LRRCC1: variants seen among roughly 807,000 people sequenced by gnomAD.
The protein encoded by LRRCC1 is leucine rich repeat and coiled-coil centrosomal protein 1, also known as leucine-rich repeat and coiled-coil domain-containing protein 1.
LRRCC1 carries 115 observed loss-of-function variants against 126.0 expected under a neutral mutation model. The ratio of observed to expected loss-of-function variants is 0.91; its 90% CI spans 0.78 to 1.07. The LOEUF is 1.07. Ranked by LOEUF, LRRCC1 falls within the 50% of genes least tolerant of loss-of-function variation. LRRCC1 has a pLI of 0.00. For synonymous variants in LRRCC1, 400 were observed against 393.4 expected (o/e 1.02, Z -0.20); for missense variants, 1,172 against 1,175.7 (o/e 1.00, Z 0.05).
intron 6 of LRRCC1, among the ~76,000 whole-genome samples, chr8:85,117,645 G>A (rs1809226475): frequency 6.6e-6 from 1 of 151,942 alleles, no homozygotes; most frequent in Non-Finnish European, 1.5e-5. Context: ...AAGCTGTTTT[G>A]CCTTTATTTT....
chr8:85,124,650 A>C (rs368812411), intron 7 of LRRCC1, 142 bp from the exon 8 acceptor site: 2 of 453,992 alleles, frequency 4.4e-6, no homozygotes, highest in South Asian at 5.9e-5. Flanking sequence ...AAAATTTATG[A>C]AGCAGTTTGT....
intron 18 of LRRCC1, among the ~76,000 whole-genome samples, chr8:85,144,401 AAT>A (rs1491349029): frequency 3.4e-5 from 2 of 59,160 alleles, no homozygotes; most frequent in Admixed American, 2.8e-4. Context: ...ATAGAGTTAA[AAT>A]GTGTGTGTGT....
intron 6 of LRRCC1, among the ~76,000 whole-genome samples, chr8:85,121,108 C>T (rs1809519349): frequency 6.6e-6 from 1 of 152,152 alleles, no homozygotes; most frequent in Admixed American, 6.5e-5. Context: ...TCTTATATGT[C>T]ATTTTCATTG....
In LRRCC1 at chr8:85,138,045, A is replaced by G. The variant is rs1392301004; in HGVS notation, c.2504A>G (p.Glu835Gly). 6.5e-7 allele frequency: 1 copy of G among 1,547,472 alleles called. No homozygotes were observed. The highest frequency in any genetic ancestry group is 2.3e-5 in the East Asian group (1 of 44,154). Residue 835 changes from glutamate (E) to glycine (G), a missense_variant, in exon 16 of 19, where the codon GAA (glutamate) becomes GGA (glycine). Physicochemically the swap from Glu to Gly is moderately conservative, Grantham distance 98. Coordinates refer to ENST00000360375, the MANE Select transcript of LRRCC1 (RefSeq NM_033402.5). Reference sequence around the variant, plus strand: ...ATTTTTTTCTTAAAGTGTTTACAAGAAAAAGATGAACACATCAAAAGATTA... The same window carrying G: ...ATTTTTTTCTTAAAGTGTTTACAAGGAAAAGATGAACACATCAAAAGATTA... ...TIRKLKDCLQEKDEHIKRLQE... is the reference protein window; with the variant it reads ...TIRKLKDCLQGKDEHIKRLQE...
In LRRCC1 at chr8:85,129,217, A is replaced by G. The variant is rs1157088545; in HGVS notation, c.1464A>G (p.Gln488=). ...IIFRERNSKG[Q]LEVMVHKLQN... is the part of the protein sequence containing the mutation. ...TTAGAGAGAGAAATTCCAAAGGACA[A>G]CTCGAAGTTATGGTTCACAAACTTC... The change falls in exon 10 of 19, where the codon CAA becomes CAG. Residue 488 remains glutamine, a synonymous_variant. Transcript: ENST00000360375. 3.1e-6 allele frequency: 5 copies of G among 1,612,734 alleles called. No homozygotes were observed. The highest frequency in any genetic ancestry group is 4.2e-6 in the Non-Finnish European group (5 of 1,179,552).
Position 85,135,033 on chromosome 8 carries a change from G to A in LRRCC1, c.2154+1G>A. On this transcript the variant is annotated splice_donor_variant, in intron 13 of 18. Coordinates refer to ENST00000360375, the MANE Select transcript of LRRCC1 (RefSeq NM_033402.5). LOFTEE classifies it high-confidence loss of function. ...ACAAGAAACAGCAGCAAATTTACAG[G>A]TAAGACTTTGCAACATTATATGTTT... is the stretch of plus-strand genomic sequence containing the variant. 1.3e-6 allele frequency: 2 copies of A among 1,513,468 alleles called. No individual in the cohort carries two copies. Among genetic ancestry groups the A allele is most frequent in the East Asian group, 2.5e-5 (1 of 40,718 alleles). The allele number at this position is 1,513,468 out of a possible 1,614,324, so 93.8% of individuals were successfully genotyped here. A position where few individuals can be genotyped will look rare whatever the true frequency, so the allele number is the denominator to read the frequency against.
chr8:85,134,914 A>T lies in LRRCC1; in HGVS notation c.2036A>T (p.Gln679Leu). Residue 679 changes from glutamine to leucine, a missense_variant, in exon 13 of 19, where the codon CAA (glutamine) becomes CTA (leucine). Transcript: ENST00000360375. ...AGCAAACATGCTCTTATTTGGGCTCAACGAAAAGAAAATGAGTCTTCCTCT... is the reference window on the plus strand; with the variant it reads ...AGCAAACATGCTCTTATTTGGGCTCTACGAAAAGAAAATGAGTCTTCCTCT... ...AKSKHALIWA[Q>L]RKENESSSLI... The T allele has an allele frequency of 6.3e-7, 1 of 1,597,696 alleles. No homozygotes were observed. The highest frequency in any genetic ancestry group is 8.5e-7 in the Non-Finnish European group (1 of 1,176,756).
chr8:85,127,399 TTC>T (rs1810097319), intron 9 of LRRCC1, among the ~76,000 whole-genome samples: 1 of 152,226 alleles, frequency 6.6e-6, no homozygotes, highest in African/African-American at 2.4e-5. Context: ...ACTTTTTTTC[TTC>T]TGTTTCCTGT....
At chr8:85,117,182 T>C (rs1267936847) in intron 6 of LRRCC1, among the ~76,000 whole-genome samples, 3 of 152,200 alleles carry the variant, frequency 2.0e-5, no homozygotes, top group Non-Finnish European at 4.4e-5. Flanking sequence ...ATTGTCCTTG[T>C]TATTGAAAAG....
At chr8:85,137,767 T>A in intron 15 of LRRCC1, 140 bp downstream of exon 15, 1 of 598,284 alleles carries the variant, frequency 1.7e-6, no homozygotes, top group Non-Finnish European at 2.7e-6. Context: ...CTTTTTATAA[T>A]ATTTGCCCTT....
At chr8:85,108,886 A>G (rs1438665143) in intron 1 of LRRCC1, 1 of 152,204 alleles carries the variant, frequency 6.6e-6, no homozygotes, top group African/African-American at 2.4e-5. Context: ...TCAGTTATAA[A>G]TAGTAATTGG....
chr8:85,114,329 C>T (rs1808944812), intron 4 of LRRCC1, among the ~76,000 whole-genome samples: 1 of 151,924 alleles, frequency 6.6e-6, no homozygotes, highest in South Asian at 2.1e-4. Context: ...TCTCTCAATA[C>T]AGTCACCCTC....
Position 85,112,929 on chromosome 8 carries a change from C to A in LRRCC1, c.377-3C>A. ...CATTTAAAGAATTATGTTCCTATTG[C>A]AGGATTGATTCCCCTTCATGGAATT... On this transcript the variant is annotated splice_polypyrimidine_tract_variant and splice_region_variant and intron_variant, in intron 3 of 18. Transcript: ENST00000360375. 8 of 1,551,836 alleles carry A rather than the reference C, an allele frequency of 5.2e-6. No homozygotes were observed. The South Asian group carries it at 8.6e-5, about 17-fold the overall frequency.
chr8:85,131,855 T>A lies in LRRCC1; in HGVS notation c.1862T>A (p.Met621Lys). ...IAKEEKKHEQ[M>K]IKEYQEKIDV... ...AAAGAAGAGAAAAAGCATGAGCAAA[T>A]GATAAAAGAATACCAAGAGAAAATT... is the stretch of plus-strand genomic sequence containing the variant. Residue 621 changes from methionine (M) to lysine (K), a missense_variant, in exon 12 of 19, where the codon ATG (methionine) becomes AAG (lysine). Coordinates refer to ENST00000360375, the MANE Select transcript of LRRCC1 (RefSeq NM_033402.5). 3 of 1,613,646 alleles carry A rather than the reference T, an allele frequency of 1.9e-6. No individual in the cohort carries two copies. The highest frequency in any genetic ancestry group is 2.5e-6 in the Non-Finnish European group (3 of 1,179,804).
rs757501975 is a variant in LRRCC1 at position 85,134,891 on chromosome 8, C to A, written c.2013C>A (p.Ser671Arg). 1 of 1,589,974 alleles carries A rather than the reference C, an allele frequency of 6.3e-7. No homozygotes were observed. The highest frequency in any genetic ancestry group is 1.2e-5 in the South Asian group (1 of 85,490). Residue 671 changes from serine to arginine, a missense_variant, in exon 13 of 19, where the codon AGC becomes AGA. Coordinates refer to ENST00000360375, the MANE Select transcript of LRRCC1 (RefSeq NM_033402.5). ...FENVATELAK[S>R]KHALIWAQRK... ...ATGTTGCAACTGAGTTAGCAAAGAG[C>A]AAACATGCTCTTATTTGGGCTCAAC...
At chr8:85,125,412 G>A (rs1312341996) in intron 8 of LRRCC1, among the ~76,000 whole-genome samples, 2 of 151,846 alleles carry the variant, frequency 1.3e-5, no homozygotes, top group African/African-American at 2.4e-5. Flanking sequence ...GGTGGCTCAC[G>A]CCTGTAATCC....
At chr8:85,129,550 G>A (rs1277411997) in intron 10 of LRRCC1, among the ~76,000 whole-genome samples, 171 bp downstream of exon 10, 1 of 152,174 alleles carries the variant, frequency 6.6e-6, no homozygotes, top group Non-Finnish European at 1.5e-5. Context: ...TCTAAATTAA[G>A]ACTACTAGCT....
chr8:85,110,166 T>C lies in LRRCC1; in HGVS notation c.362T>C (p.Ile121Thr), dbSNP rs1438607670. Residue 121 changes from isoleucine (I) to threonine (T), a missense_variant, in exon 3 of 19, where the codon ATA (isoleucine) becomes ACA (threonine). By Grantham distance (89) the Ile-to-Thr change is moderately conservative. Transcript: ENST00000360375. ...LTRLNVSYNH[I>T]DDLSGLIPLH... ...AGACTAAATGTATCTTATAACCACATAGATGATCTTAGTGGTAAGTAGAAA... is the reference window on the plus strand; with the variant it reads ...AGACTAAATGTATCTTATAACCACACAGATGATCTTAGTGGTAAGTAGAAA... The C allele has an allele frequency of 2.4e-5, 32 of 1,310,004 alleles. No homozygotes were observed. The highest frequency in any genetic ancestry group is 1.9e-4 in the Middle Eastern group (1 of 5,226). The allele number at this position is 1,310,004 out of a possible 1,614,324, so 81.1% of individuals were successfully genotyped here.
Position 85,135,765 on chromosome 8 carries a change from A to T in LRRCC1, c.2155-24A>T, listed in dbSNP as rs541428853. 1.1e-4 allele frequency: 129 copies of T among 1,121,926 alleles called. 1 individual carries two copies. In the African/African-American group the frequency reaches 1.3e-3, roughly 11 times the overall value. 69.5% of individuals were successfully genotyped at this position (1,121,926 alleles called of 1,614,324 possible). ...TAAAGCACTTAATATAATAATTCTT[A>T]TTTTTTTTTTTGGGAATATACAGAA... On this transcript the variant is annotated intron_variant, in intron 13 of 18. Transcript: ENST00000360375.
Sources: allele counts gnomAD v4.1 joint callset (sites outside exome capture counted in the v4.1 genomes callset), GRCh38; gene constraint gnomAD v4.1.1; transcripts MANE v1.5; gene names NCBI Gene and HGNC (gene_info 2026-07-23, HGNC 2026-07-21).